The following RECK variants were observed in gnomAD, a reference collection of about 807,000 sequenced individuals.
RECK encodes reversion inducing cysteine rich protein with kazal motifs.
RECK carries 69 observed loss-of-function variants against 115.1 expected under a neutral mutation model. The observed-to-expected ratio is 0.60, with a 90% confidence interval of 0.49 to 0.73. The LOEUF (loss-of-function observed/expected upper bound fraction) is 0.73, where lower values mean the gene tolerates loss of function less well. Ranked by LOEUF, RECK falls within the 30% of genes least tolerant of loss-of-function variation. The pLI is 0.00. For missense variants in RECK, 1,047 were observed against 1,203.7 expected, an observed-to-expected ratio of 0.87 and a Z score of 1.93; for synonymous variants, 414 against 419.7, an observed-to-expected ratio of 0.99 and a Z score of 0.17.
intron 9 of RECK, among the ~76,000 whole-genome samples, chr9:36,090,555 A>G (rs890271098): frequency 6.6e-6 from 1 of 152,220 alleles, no homozygotes; most frequent in South Asian, 2.1e-4. Context: ...GAAATGGTAT[A>G]AATGTTTTAG....
chr9:36,040,118 T>C (rs10120834), intron 1 of RECK, among the ~76,000 whole-genome samples: 13,237 of 152,258 alleles, frequency 0.087, 708 homozygotes, highest in East Asian at 0.3. Context: ...TTATTATACG[T>C]CAGGCACTGT....
At chr9:36,073,949 G>A (rs1252577627) in intron 6 of RECK, among the ~76,000 whole-genome samples, 1 of 152,136 alleles carries the variant, frequency 6.6e-6, no homozygotes, top group East Asian at 1.9e-4. Flanking sequence ...AAGCCAGCTT[G>A]TAACTTAAAA....
intron 10 of RECK, among the ~76,000 whole-genome samples, chr9:36,092,334 G>T (rs1823189244): frequency 6.6e-6 from 1 of 151,894 alleles, no homozygotes; most frequent in Non-Finnish European, 1.5e-5. Flanking sequence ...TGTTTTGAAG[G>T]TATTGGAGAC....
intron 3 of RECK, 59 bp from the exon 4 acceptor site, chr9:36,060,060 A>G: frequency 1.3e-6 from 2 of 1,484,554 alleles, no homozygotes; most frequent in South Asian, 2.3e-5. Context: ...GTAGAAATTA[A>G]TTGTCATATT....
chr9:36,059,192 G>A (rs1043826932), intron 3 of RECK, among the ~76,000 whole-genome samples: 18 of 152,014 alleles, frequency 1.2e-4, no homozygotes, highest in African/African-American at 4.1e-4. Flanking sequence ...CGTGGTGGCT[G>A]ATGCCTGTAA....
At chr9:36,054,516 A>AAT (rs1821442915) in intron 2 of RECK, among the ~76,000 whole-genome samples, 1 of 151,496 alleles carries the variant, frequency 6.6e-6, no homozygotes, top group Admixed American at 6.6e-5. Context: ...AAAAAAAAAA[A>AAT]AAGCCAATTA....
In RECK at chr9:36,091,315, C is replaced by T. The variant is rs372176214; in HGVS notation, c.1057C>T (p.Leu353Phe). 5 of 1,583,470 alleles carry T rather than the reference C, an allele frequency of 3.2e-6. No individual in the cohort carries two copies. The African/African-American group carries it at 6.8e-5, about 22-fold the overall frequency. ...ACCTTGCCAGTTGGGCTGTAGAAAC[C>T]TTACTTACTGTACTAATTTTAACAA... ...REPCQLGCRN[L>F]TYCTNFNNRP... is the part of the protein sequence containing the mutation. The change falls in exon 10 of 21, where the codon CTT becomes TTT. Residue 353 changes from leucine (L) to phenylalanine (F), a missense_variant. By Grantham distance (22) the Leu-to-Phe change is conservative (BLOSUM62 0). Coordinates refer to ENST00000377966, the MANE Select transcript of RECK (RefSeq NM_021111.3).
chr9:36,072,134 A>G (rs1011708947), intron 6 of RECK, among the ~76,000 whole-genome samples: 2 of 152,146 alleles, frequency 1.3e-5, no homozygotes, highest in Admixed American at 6.5e-5. Context: ...TTTGGTGTAT[A>G]TTTATGTATG....
rs1821337758 is a variant in RECK, at chr9:36,052,270, T to C, written c.106T>C (p.Leu36=). Residue 36 remains leucine (L), a synonymous_variant, in exon 2 of 21, where the codon TTG becomes CTG. Transcript: ENST00000377966. ...TGTTTATTTTTTCTCCCTAGGTGCA[T>C]TGTGTTGTAATCATTCAAAGGATAA... ...GGLAPGSAGA[L]CCNHSKDNQM... The C allele has an allele frequency of 1.3e-5, 21 of 1,602,682 alleles. No homozygotes were observed. The highest frequency in any genetic ancestry group is 1.6e-5 in the Non-Finnish European group (19 of 1,169,848).
chr9:36,063,683 G>A, intron 4 of RECK, 112 bp from the exon 5 acceptor site: 1 of 925,372 alleles, frequency 1.1e-6, no homozygotes, highest in Non-Finnish European at 1.7e-6. Context: ...GTCTGAACCA[G>A]TTTTCTTATG....
intron 6 of RECK, among the ~76,000 whole-genome samples, chr9:36,071,443 A>G (rs1031767740): frequency 1.3e-5 from 2 of 152,174 alleles, no homozygotes; most frequent in South Asian, 2.1e-4. Context: ...CCATTCTCTT[A>G]ACATAATGGC....
At position 36,043,010 on chromosome 9, in the gene RECK, C is replaced by CTTTTTTT. The variant is rs61673918; in HGVS notation, c.100+5936_100+5942dup. The stretch of plus-strand genomic sequence containing the variant: ...ACTGTCTATTCATGTCCTTAGCCCA[C>CTTTTTTT]TTTTTTTTTTTTTTTTTTTTTTTTT... On this transcript the variant is annotated intron_variant, in intron 1 of 20. Transcript: ENST00000377966. Among the ~76,000 whole-genome samples, 123 of 59,466 alleles carry CTTTTTTT rather than the reference C, an allele frequency of 2.1e-3. 25 individuals are homozygous for CTTTTTTT. The highest frequency in any genetic ancestry group is 5.3e-3 in the African/African-American group (77 of 14,482). 39.0% of individuals were successfully genotyped at this position (59,466 alleles called of 152,430 possible).
At chr9:36,104,105 C>T (rs948818392) in intron 12 of RECK, among the ~76,000 whole-genome samples, 1 of 151,422 alleles carries the variant, frequency 6.6e-6, no homozygotes, top group Non-Finnish European at 1.5e-5. Context: ...ATACATATTA[C>T]CATAATAAAT....
chr9:36,063,021 G>A (rs1486560153), intron 4 of RECK, among the ~76,000 whole-genome samples: 1 of 152,008 alleles, frequency 6.6e-6, no homozygotes, highest in African/African-American at 2.4e-5. Flanking sequence ...TGTAGTCCCA[G>A]CTACTCAGGA....
At chr9:36,101,479 A>C (rs1344841922) in intron 11 of RECK, among the ~76,000 whole-genome samples, 1 of 152,184 alleles carries the variant, frequency 6.6e-6, no homozygotes, top group Non-Finnish European at 1.5e-5. Context: ...TTCAACCTTA[A>C]ACAGAGTCCA....
intron 14 of RECK, 114 bp from the exon 15 acceptor site, chr9:36,109,843 A>C (rs77145633): frequency 3.0e-6 from 1 of 335,894 alleles, no homozygotes; most frequent in Admixed American, 5.5e-5. Context: ...GACCCTTCTC[A>C]AAAAAAAAAA....
At chr9:36,072,886 C>T (rs915166470) in intron 6 of RECK, 2 of 152,108 alleles carry the variant, frequency 1.3e-5, no homozygotes, top group Admixed American at 6.6e-5. Flanking sequence ...TCTCAGAAGT[C>T]ACCTGAACGA....
intron 6 of RECK, among the ~76,000 whole-genome samples, chr9:36,076,148 T>G (rs1407784117): frequency 6.6e-6 from 1 of 152,248 alleles, no homozygotes; most frequent in Non-Finnish European, 1.5e-5. Context: ...GCCCTACCAG[T>G]GCTCTTCCAT....
In RECK at chr9:36,087,871, A is replaced by C; in HGVS notation, c.815A>C (p.His272Pro). 6.2e-7 allele frequency: 1 copy of C among 1,613,852 alleles called. No homozygotes were observed. Among genetic ancestry groups the C allele is most frequent in the Non-Finnish European group, 8.5e-7 (1 of 1,179,806 alleles). Reference sequence around the variant, plus strand: ...TTTCTTGAAAGCTCACAATCTGTTCACCCTGGAGTCACTGTACACCCTCCT... The same window carrying C: ...TTTCTTGAAAGCTCACAATCTGTTCCCCCTGGAGTCACTGTACACCCTCCT... ...QCFLESSQSV[H>P]PGVTVHPPPS... The change falls in exon 9 of 21, where the codon CAC becomes CCC. Residue 272 changes from histidine to proline, a missense_variant. By Grantham distance (77) the His-to-Pro change is moderately conservative. Transcript: ENST00000377966.
Sources: gnomAD v4.1 joint callset for allele counts (sites outside exome capture counted in the v4.1 genomes callset) on GRCh38, gnomAD v4.1.1 for gene constraint, MANE v1.5 for transcripts, NCBI Gene and HGNC (gene_info 2026-07-23, HGNC 2026-07-21) for gene names.